PRORP: variants seen among roughly 807,000 people sequenced by gnomAD.
PRORP encodes the protein protein only RNase P catalytic subunit.
Under a neutral mutation model 59.4 loss-of-function variants are expected in PRORP, and 51 were observed. The observed-to-expected ratio is 0.86, with a 90% confidence interval of 0.69 to 1.08. The LOEUF is 1.08. PRORP is among the 50% of genes least tolerant of loss of function. The pLI is 0.00. For missense variants in PRORP, 646 were observed against 690.3 expected (o/e 0.94, Z 0.72); for synonymous variants, 231 against 245.6 (o/e 0.94, Z 0.55).
chr14:35,211,045 TTA>T (rs2049429947), intron 5 of PRORP, among the ~76,000 whole-genome samples: 1 of 152,098 alleles, frequency 6.6e-6, no homozygotes, highest in South Asian at 2.1e-4. Flanking sequence ...AGTGTTAAGA[TTA>T]TAGATGCGAG....
intron 5 of PRORP, among the ~76,000 whole-genome samples, chr14:35,253,055 C>T (rs964128448): frequency 6.6e-6 from 1 of 152,126 alleles, no homozygotes; most frequent in African/African-American, 2.4e-5. Flanking sequence ...TTCTGCTGGT[C>T]AGGTGCAGTG....
intron 5 of PRORP, among the ~76,000 whole-genome samples, chr14:35,258,055 TAA>T (rs33929205): frequency 8.3e-5 from 12 of 144,368 alleles, no homozygotes; most frequent in African/African-American, 2.2e-4. Context: ...CACATATGAG[TAA>T]AAAAAAAAAA....
Position 35,123,442 on chromosome 14 carries a change from G to A in PRORP, c.197G>A (p.Arg66Lys). ...GCAACGAATCTGATTGCCAAGGCCA[G>A]ATATCTCAGGAAAGATGAGGGCAGT... ...TKATNLIAKARYLRKDEGSNK... is the reference protein window; with the variant it reads ...TKATNLIAKAKYLRKDEGSNK... The change falls in exon 2 of 8, where the codon AGA (arginine) becomes AAA (lysine). Residue 66 changes from arginine (R) to lysine (K), a missense_variant. Transcript: ENST00000534898. 1 of 1,614,176 alleles carries A rather than the reference G, an allele frequency of 6.2e-7. No homozygotes were observed. Among genetic ancestry groups the A allele is most frequent in the Non-Finnish European group, 8.5e-7 (1 of 1,180,036 alleles).
rs538738714 is a variant in PRORP at position 35,187,264 on chromosome 14, A to C, written c.1275+6487A>C. Among the ~76,000 whole-genome samples the C allele has an allele frequency of 4.6e-5, 7 of 152,274 alleles. No homozygotes were observed. The South Asian group carries it at 1.5e-3, about 32-fold the overall frequency. On this transcript the variant is annotated intron_variant, in intron 5 of 7. Transcript: ENST00000534898. ...TTCCAAAGCATCTGCACCATTTTGC[A>C]TTCTCATCAGCTGTGTATAAAGGTT... is the stretch of plus-strand genomic sequence containing the variant.
intron 5 of PRORP, among the ~76,000 whole-genome samples, chr14:35,233,350 A>T (rs1218330220): frequency 6.7e-6 from 1 of 149,888 alleles, no homozygotes; most frequent in Non-Finnish European, 1.5e-5. Context: ...ATTGTTGTAG[A>T]GACAATGAAT....
At chr14:35,190,748 A>G (rs1403302195) in intron 5 of PRORP, among the ~76,000 whole-genome samples, 1 of 151,936 alleles carries the variant, frequency 6.6e-6, no homozygotes, top group Non-Finnish European at 1.5e-5. Context: ...TCCTGATCCG[A>G]CTACTTGGCC....
At chr14:35,121,908 G>C (rs781307091), upstream of PRORP, 2 of 1,614,002 alleles carry the variant, frequency 1.2e-6, no homozygotes, top group African/African-American at 1.3e-5. Flanking sequence ...TCACTGTTTG[G>C]ACAGGTGTTG....
chr14:35,213,450 A>C (rs2049504029), intron 5 of PRORP, among the ~76,000 whole-genome samples: 1 of 152,110 alleles, frequency 6.6e-6, no homozygotes, highest in Non-Finnish European at 1.5e-5. Context: ...AATAAAAATA[A>C]AGGAAAAAAA....
intron 4 of PRORP, among the ~76,000 whole-genome samples, chr14:35,173,146 G>A (rs1390192455): frequency 2.0e-5 from 3 of 152,178 alleles, no homozygotes; most frequent in Non-Finnish European, 4.4e-5. Context: ...GGGATTACAG[G>A]CTTGAGCCAC....
intron 4 of PRORP, among the ~76,000 whole-genome samples, chr14:35,179,738 C>T (rs1393829106): frequency 2.0e-5 from 3 of 152,226 alleles, no homozygotes; most frequent in African/African-American, 7.2e-5. Context: ...TCTCTCAACT[C>T]ATCAAAGTCA....
chr14:35,147,529 G>C (rs976978399), intron 4 of PRORP, among the ~76,000 whole-genome samples: 2 of 151,984 alleles, frequency 1.3e-5, no homozygotes, highest in Non-Finnish European at 2.9e-5. Flanking sequence ...ATTTTTTGTC[G>C]AGCTGGGGTT....
intron 5 of PRORP, among the ~76,000 whole-genome samples, chr14:35,256,466 C>T (rs933483885): frequency 4.0e-5 from 6 of 148,640 alleles, no homozygotes; most frequent in East Asian, 2.1e-4. Context: ...TGAGCATCTG[C>T]GATTACAGGC....
chr14:35,146,857 CCAGGCA>C (rs2047623324), intron 4 of PRORP, among the ~76,000 whole-genome samples: 1 of 152,074 alleles, frequency 6.6e-6, no homozygotes, highest in East Asian at 1.9e-4. Flanking sequence ...GCTTTGGGGC[CCAGGCA>C]GGAACATTGC....
chr14:35,177,000 A>C (rs7144761), intron 4 of PRORP, among the ~76,000 whole-genome samples: 4 of 152,044 alleles, frequency 2.6e-5, no homozygotes, highest in Non-Finnish European at 5.9e-5. Context: ...TTGAGATAAT[A>C]GTGTGGTTTT....
At chr14:35,212,130 C>T (rs2049463506) in intron 5 of PRORP, among the ~76,000 whole-genome samples, 2 of 152,166 alleles carry the variant, frequency 1.3e-5, no homozygotes, top group Non-Finnish European at 2.9e-5. Context: ...TATGAGGTTA[C>T]AGCAATTCAG....
chr14:35,186,994 T>C (rs1049275561), intron 5 of PRORP, among the ~76,000 whole-genome samples: 1 of 152,196 alleles, frequency 6.6e-6, no homozygotes, highest in Non-Finnish European at 1.5e-5. Context: ...AGTATTTCAT[T>C]CCCTTTTATT....
intron 5 of PRORP, among the ~76,000 whole-genome samples, chr14:35,253,325 C>G (rs1191342206): frequency 8.3e-6 from 1 of 119,780 alleles, no homozygotes; most frequent in Non-Finnish European, 1.6e-5. Context: ...CAGAATGAGA[C>G]TGTTTCAAAA....
chr14:35,123,322 A>G lies in PRORP; in HGVS notation c.77A>G (p.His26Arg). ...CCATACCTTGGGCTAGGCCCAGGGC[A>G]CTCTTATGTCTCGCTGTTTCTGGCA... Reference protein sequence around the residue: ...KSPYLGLGPGHSYVSLFLADR... With the variant: ...KSPYLGLGPGRSYVSLFLADR... The change falls in exon 2 of 8, where the codon CAC (histidine) becomes CGC (arginine). Residue 26 changes from histidine to arginine, a missense_variant. Physicochemically the swap from His to Arg is conservative, Grantham distance 29. Transcript: ENST00000534898. 1 of 1,613,916 alleles carries G rather than the reference A, an allele frequency of 6.2e-7. No individual in the cohort carries two copies.
chr14:35,250,873 T>A (rs1345607787), intron 5 of PRORP, among the ~76,000 whole-genome samples: 1 of 152,182 alleles, frequency 6.6e-6, no homozygotes, highest in Non-Finnish European at 1.5e-5. Context: ...TTTCGTTTTT[T>A]AAAATTTTTT....
Sources: allele counts gnomAD v4.1 joint callset (sites outside exome capture counted in the v4.1 genomes callset), GRCh38; gene constraint gnomAD v4.1.1; transcripts MANE v1.5; gene names NCBI Gene and HGNC (gene_info 2026-07-23, HGNC 2026-07-21).